CDH13: variants seen among roughly 807,000 people sequenced by gnomAD.
The protein encoded by CDH13 is cadherin-13.
CDH13 carries 24 observed loss-of-function variants against 63.8 expected under a neutral mutation model. The observed-to-expected ratio is 0.38, with a 90% CI of 0.27 to 0.53. The LOEUF is 0.53. Ranked by LOEUF, CDH13 falls within the 20% of genes least tolerant of loss-of-function variation. The pLI is 0.85. For missense variants in CDH13, 1,049 were observed against 903.1 expected (o/e 1.16, Z -2.07); for synonymous variants, 503 against 355.3 (o/e 1.42, Z -4.67).
At chr16:82,800,901 C>T (rs2036822807) in intron 1 of CDH13, among the ~76,000 whole-genome samples, 1 of 152,054 alleles carries the variant, frequency 6.6e-6, no homozygotes, top group Admixed American at 6.6e-5. Flanking sequence ...TTTCATGCAC[C>T]TTATTTCCTT....
chr16:82,641,040 A>C (rs1909331914), intron 1 of CDH13, among the ~76,000 whole-genome samples: 1 of 152,186 alleles, frequency 6.6e-6, no homozygotes, highest in Admixed American at 6.5e-5. Context: ...GACCAAGAAG[A>C]AGGAAAGCCA....
At chr16:83,648,019 A>C (rs568280412) in intron 8 of CDH13, among the ~76,000 whole-genome samples, 1 of 152,192 alleles carries the variant, frequency 6.6e-6, no homozygotes, top group Non-Finnish European at 1.5e-5. Context: ...AGGAAACTGG[A>C]GTCTAGTGAC....
Position 83,796,795 on chromosome 16 carries a change from T to C in CDH13, c.*1765T>C, listed in dbSNP as rs1358868991. 6.6e-6 allele frequency: 1 copy of C among 152,212 alleles called. No homozygotes were observed. Among genetic ancestry groups the C allele is most frequent in the Non-Finnish European group, 1.5e-5 (1 of 68,038 alleles). 9.4% of individuals were successfully genotyped at this position (152,212 alleles called of 1,614,324 possible). On this transcript the variant is annotated 3_prime_UTR_variant, in exon 14 of 14. Coordinates refer to ENST00000567109, the MANE Select transcript of CDH13 (RefSeq NM_001257.5). ...GACTCATCTTGTCCACCTCATGATA[T>C]GATCTGAGGGTGTCATAATCAGCTA...
intron 6 of CDH13, among the ~76,000 whole-genome samples, chr16:83,433,795 A>T (rs1275222325): frequency 6.6e-6 from 1 of 152,234 alleles, no homozygotes; most frequent in African/African-American, 2.4e-5. Context: ...CGTGCAGCAG[A>T]TAAGAGTGTT....
intron 2 of CDH13, chr16:82,858,762 A>G (rs190018971): frequency 8.2e-6 from 4 of 485,186 alleles, no homozygotes; most frequent in Non-Finnish European, 1.1e-5. Context: ...ACACTGTGCA[A>G]AGGAAATGAA....
intron 5 of CDH13, among the ~76,000 whole-genome samples, chr16:83,238,366 C>T (rs1904281828): frequency 6.6e-6 from 1 of 152,168 alleles, no homozygotes. Flanking sequence ...CTTTATAAAA[C>T]CATCAGATCT....
chr16:82,880,084 A>G lies in CDH13; in HGVS notation c.157+21611A>G, dbSNP rs145330570. Among the ~76,000 whole-genome samples, 611 of 151,054 alleles carry G rather than the reference A, an allele frequency of 4.0e-3. 15 individuals carry two copies. The highest frequency in any genetic ancestry group is 0.03 in the Admixed American group (447 of 15,102). ...CTATTTATGTAATCAGTATGTATAT[A>G]TATTATTTCAAACCTCACTTTGAGC... is the stretch of plus-strand genomic sequence containing the variant. On this transcript the variant is annotated intron_variant, in intron 2 of 13. Transcript: ENST00000567109.
At chr16:83,265,727 CTTTTTTTT>C (rs71272416) in intron 5 of CDH13, among the ~76,000 whole-genome samples, 4 of 42,544 alleles carry the variant, frequency 9.4e-5, no homozygotes, top group Non-Finnish European at 1.6e-4. Flanking sequence ...TAAATTTCTG[CTTTTTTTT>C]TTTTTTTTTT....
Position 83,373,704 on chromosome 16 carries a change from G to C in CDH13, c.781+28698G>C, listed in dbSNP as rs192028959. On this transcript the variant is annotated intron_variant, in intron 6 of 13. Coordinates refer to ENST00000567109, the MANE Select transcript of CDH13 (RefSeq NM_001257.5). ...GTTAAGAGAGGCAGCTTTGAAACCA[G>C]ACTTCTTGGATTTGAATCTCCGCTT... is the stretch of plus-strand genomic sequence containing the variant. Among the ~76,000 whole-genome samples, 59 of 152,338 alleles carry C rather than the reference G, an allele frequency of 3.9e-4. 1 individual carries two copies. The South Asian group carries it at 0.011, about 29-fold the overall frequency.
At chr16:83,669,241 C>T (rs1914285183) in intron 8 of CDH13, among the ~76,000 whole-genome samples, 1 of 152,164 alleles carries the variant, frequency 6.6e-6, no homozygotes. Flanking sequence ...TCTCTTTCAT[C>T]AGCCCCTCCA....
chr16:82,761,829 CTT>C (rs929460892), intron 1 of CDH13, among the ~76,000 whole-genome samples: 1 of 152,026 alleles, frequency 6.6e-6, no homozygotes, highest in Non-Finnish European at 1.5e-5. Context: ...TTTATCATGA[CTT>C]ATGATTTTTT....
chr16:83,031,904 G>A, intron 2 of CDH13, 106 bp from the exon 3 acceptor site: 2 of 864,686 alleles, frequency 2.3e-6, no homozygotes, highest in Non-Finnish European at 3.7e-6. Flanking sequence ...TGTGAACTCT[G>A]GGTTGGGAAA....
chr16:82,995,931 A>C (rs1361633729), intron 2 of CDH13, among the ~76,000 whole-genome samples: 1 of 152,198 alleles, frequency 6.6e-6, no homozygotes, highest in East Asian at 1.9e-4. Flanking sequence ...GAGGAAGGTC[A>C]AATCACAATC....
At chr16:83,228,308 G>A (rs1597557024) in intron 5 of CDH13, among the ~76,000 whole-genome samples, 1 of 152,310 alleles carries the variant, frequency 6.6e-6, no homozygotes, top group South Asian at 2.1e-4. Flanking sequence ...CGTCCGCAGG[G>A]CCGTGCTCTG....
chr16:83,673,961 GC>G (rs559769890), intron 9 of CDH13, among the ~76,000 whole-genome samples: 65 of 152,282 alleles, frequency 4.3e-4, no homozygotes, highest in African/African-American at 1.4e-3. Flanking sequence ...GAATTGGGAT[GC>G]AGACTCTCCC....
At chr16:82,990,694 A>C (rs972343732) in intron 2 of CDH13, among the ~76,000 whole-genome samples, 1 of 151,956 alleles carries the variant, frequency 6.6e-6, no homozygotes, top group Non-Finnish European at 1.5e-5. Context: ...TTACAGGTGC[A>C]TGCCACCAGG....
chr16:82,708,166 C>G (rs906106234), intron 1 of CDH13, among the ~76,000 whole-genome samples: 20 of 152,164 alleles, frequency 1.3e-4, no homozygotes, highest in African/African-American at 4.8e-4. Context: ...TCCAATGTTG[C>G]TTACATCACA....
chr16:82,655,775 C>T (rs1029471621), intron 1 of CDH13, among the ~76,000 whole-genome samples: 9 of 152,076 alleles, frequency 5.9e-5, no homozygotes, highest in Admixed American at 5.2e-4. Context: ...ATAGGCATTG[C>T]CCTTATTATC....
At chr16:83,046,706 A>T (rs374527110) in intron 3 of CDH13, among the ~76,000 whole-genome samples, 1 of 152,182 alleles carries the variant, frequency 6.6e-6, no homozygotes, top group African/African-American at 2.4e-5. Flanking sequence ...GGGCTCAAAA[A>T]ACTTCAGACT....
Sources: gnomAD v4.1 joint callset for allele counts (sites outside exome capture counted in the v4.1 genomes callset) on GRCh38, gnomAD v4.1.1 for gene constraint, MANE v1.5 for transcripts, NCBI Gene and HGNC (gene_info 2026-07-23, HGNC 2026-07-21) for gene names.